BTBD9: variants seen among roughly 807,000 people sequenced by gnomAD.
BTBD9 encodes the protein BTB/POZ domain-containing protein 9.
Under a neutral mutation model 64.3 loss-of-function variants are expected in BTBD9, and 49 were observed. That is an observed-to-expected ratio of 0.76 (90% CI 0.61 to 0.97). The LOEUF (loss-of-function observed/expected upper bound fraction) is 0.97, where lower values mean the gene tolerates loss of function less well. Among genes scored for constraint, BTBD9 ranks in the 50% least tolerant of loss-of-function variants. The pLI is 0.00. For missense variants in BTBD9, 598 were observed against 762.1 expected (o/e 0.78, Z 2.53); for synonymous variants, 260 against 274.7 (o/e 0.95, Z 0.53).
At chr6:38,484,680 C>A (rs535792914) in intron 6 of BTBD9, among the ~76,000 whole-genome samples, 19 of 152,308 alleles carry the variant, frequency 1.2e-4, no homozygotes, top group African/African-American at 4.6e-4. Context: ...ATAAAAATTA[C>A]GTTTACACTG....
intron 1 of BTBD9, among the ~76,000 whole-genome samples, chr6:38,626,162 T>C (rs1778159680): frequency 6.6e-6 from 1 of 152,244 alleles, no homozygotes; most frequent in African/African-American, 2.4e-5. Flanking sequence ...AAAAAAATTT[T>C]ATTATTTAAT....
At chr6:38,479,951 A>T (rs1771060166) in intron 6 of BTBD9, among the ~76,000 whole-genome samples, 1 of 151,814 alleles carries the variant, frequency 6.6e-6, no homozygotes, top group South Asian at 2.1e-4. Flanking sequence ...CTGGTCTGGA[A>T]CTCCTGGGCT....
In BTBD9 at chr6:38,408,587, A is replaced by C. The variant is rs371922409; in HGVS notation, c.1155-63494T>G. ...CTTACATCATGAGATATAGTTGTTA[A>C]GGTCACTATATTTGCATGTTGGCTT... On this transcript the variant is annotated intron_variant, in intron 6 of 10. Transcript: ENST00000481247. Among the ~76,000 whole-genome samples, 9 of 152,350 alleles carry C rather than the reference A, an allele frequency of 5.9e-5. 1 individual carries two copies. The East Asian group carries it at 1.2e-3, about 20-fold the overall frequency.
intron 2 of BTBD9, chr6:38,595,928 A>G: frequency 2.2e-5 from 22 of 985,400 alleles, no homozygotes; most frequent in Non-Finnish European, 2.5e-5. Flanking sequence ...CATGGTATTT[A>G]TTTGGATTCT....
At chr6:38,366,429 G>C (rs9349074) in intron 6 of BTBD9, among the ~76,000 whole-genome samples, 1 of 152,172 alleles carries the variant, frequency 6.6e-6, no homozygotes, top group East Asian at 1.9e-4. Flanking sequence ...CCAGCACTGC[G>C]GGTCCCAGTC....
At chr6:38,620,279 A>G (rs993029428) in intron 1 of BTBD9, among the ~76,000 whole-genome samples, 3 of 152,142 alleles carry the variant, frequency 2.0e-5, no homozygotes, top group African/African-American at 7.2e-5. Flanking sequence ...CAACTCCTAT[A>G]CCCTGCTCTC....
chr6:38,498,658 C>G (rs1387309131), intron 6 of BTBD9, among the ~76,000 whole-genome samples: 1 of 152,062 alleles, frequency 6.6e-6, no homozygotes, highest in East Asian at 1.9e-4. Flanking sequence ...GTGGTGAGCA[C>G]CACTATTTCT....
chr6:38,615,880 G>A (rs1777768770), intron 1 of BTBD9, among the ~76,000 whole-genome samples: 1 of 151,890 alleles, frequency 6.6e-6, no homozygotes, highest in Non-Finnish European at 1.5e-5. Context: ...TTACACATAT[G>A]AGGATGGGAT....
At chr6:38,400,430 T>C (rs866659453) in intron 6 of BTBD9, among the ~76,000 whole-genome samples, 1 of 152,184 alleles carries the variant, frequency 6.6e-6, no homozygotes, top group Admixed American at 6.5e-5. Context: ...AATCACTCAA[T>C]GTCCTCTAAG....
At chr6:38,470,318 G>T (rs1437196295) in intron 6 of BTBD9, among the ~76,000 whole-genome samples, 1 of 152,216 alleles carries the variant, frequency 6.6e-6, no homozygotes, top group Non-Finnish European at 1.5e-5. Context: ...ATCCTGGCCA[G>T]TACAGGCCTG....
At chr6:38,580,871 C>T (rs752803661) in intron 4 of BTBD9, among the ~76,000 whole-genome samples, 1 of 150,814 alleles carries the variant, frequency 6.6e-6, no homozygotes, top group South Asian at 2.1e-4. Context: ...ATCAGCTCTG[C>T]TGAGTTCATT....
chr6:38,299,408 T>C (rs1205439211), intron 7 of BTBD9, among the ~76,000 whole-genome samples: 1 of 152,228 alleles, frequency 6.6e-6, no homozygotes, highest in Non-Finnish European at 1.5e-5. Flanking sequence ...TATTTCTAGT[T>C]CTAGATCCCT....
chr6:38,531,382 C>T (rs1050176316), intron 6 of BTBD9, among the ~76,000 whole-genome samples: 1 of 152,018 alleles, frequency 6.6e-6, no homozygotes, highest in African/African-American at 2.4e-5. Context: ...AAAGACATTC[C>T]TAGAAAATAA....
intron 9 of BTBD9, among the ~76,000 whole-genome samples, chr6:38,236,229 C>G (rs1435810503): frequency 4.6e-5 from 7 of 152,162 alleles, no homozygotes; most frequent in Non-Finnish European, 7.4e-5. Flanking sequence ...CAATGGAGAC[C>G]AGGAACTAGC....
chr6:38,527,837 T>C (rs1773578806), intron 6 of BTBD9, among the ~76,000 whole-genome samples: 1 of 150,954 alleles, frequency 6.6e-6, no homozygotes, highest in East Asian at 2.0e-4. Flanking sequence ...ATCACTCTCA[T>C]GAAAATCAGA....
intron 6 of BTBD9, among the ~76,000 whole-genome samples, chr6:38,549,800 C>T (rs1050448588): frequency 6.6e-6 from 1 of 152,126 alleles, no homozygotes; most frequent in African/African-American, 2.4e-5. Flanking sequence ...ATTCAGCTTT[C>T]CTCCCACCAC....
chr6:38,542,468 A>G (rs1354288839), intron 6 of BTBD9, among the ~76,000 whole-genome samples: 1 of 152,040 alleles, frequency 6.6e-6, no homozygotes. Flanking sequence ...CCCTCAAAAT[A>G]TACCTCAATC....
chr6:38,597,825 T>C (rs1467430244), intron 2 of BTBD9, 85 bp downstream of exon 2: 3 of 1,122,204 alleles, frequency 2.7e-6, no homozygotes, highest in East Asian at 4.7e-5. Context: ...GTCATTATAC[T>C]TGGTTATATA....
At chr6:38,274,105 C>G (rs938466229) in intron 8 of BTBD9, among the ~76,000 whole-genome samples, 2 of 152,146 alleles carry the variant, frequency 1.3e-5, no homozygotes, top group African/African-American at 4.8e-5. Context: ...GTCCCTTGTA[C>G]GTTGGATTCC....
Sources: gnomAD v4.1 joint callset for allele counts (sites outside exome capture counted in the v4.1 genomes callset) on GRCh38, gnomAD v4.1.1 for gene constraint, MANE v1.5 for transcripts, NCBI Gene and HGNC (gene_info 2026-07-23, HGNC 2026-07-21) for gene names.